Variants in WBP1L observed in about 807,000 individuals in gnomAD.
WBP1L encodes WW domain binding protein 1-like.
Under a neutral mutation model 33.7 loss-of-function variants are expected in WBP1L, and 17 were observed. The ratio of observed to expected loss-of-function variants is 0.50; its 90% confidence interval spans 0.34 to 0.76. The LOEUF (loss-of-function observed/expected upper bound fraction) is 0.76. WBP1L is among the 30% of genes least tolerant of loss of function. The pLI, the probability that WBP1L is intolerant of heterozygous loss-of-function variation, is 0.01. For missense variants in WBP1L, 389 were observed against 469.4 expected (o/e 0.83, Z 1.58); for synonymous variants, 173 against 190.8 (o/e 0.91, Z 0.77).
intron 1 of WBP1L, among the ~76,000 whole-genome samples, chr10:102,745,148 A>T (rs1266318799): frequency 1.3e-5 from 2 of 152,344 alleles, no homozygotes; most frequent in African/African-American, 4.8e-5. Context: ...GGCAAAGTTT[A>T]TACAACTTAG....
At chr10:102,755,217 G>C (rs1325715213) in intron 1 of WBP1L, among the ~76,000 whole-genome samples, 1 of 151,990 alleles carries the variant, frequency 6.6e-6, no homozygotes, top group Non-Finnish European at 1.5e-5. Flanking sequence ...AAAGTGCTGG[G>C]ATTACAGGTG....
At position 102,781,554 on chromosome 10, in the gene WBP1L, C is replaced by T. The variant is rs1489782676; in HGVS notation, c.91-16439C>T. 2.6e-5 allele frequency among the ~76,000 whole-genome samples: 4 copies of T among 152,090 alleles called. No individual in the cohort carries two copies. In the East Asian group the frequency reaches 7.7e-4, roughly 29 times the overall value. Reference sequence around the variant, plus strand: ...CCCATATCCACAGTCCACTGCAGGCCTCCTCCTCCCTGCCTGCTCTGTGCA... The same window carrying T: ...CCCATATCCACAGTCCACTGCAGGCTTCCTCCTCCCTGCCTGCTCTGTGCA... On this transcript the variant is annotated intron_variant, in intron 1 of 3. Coordinates refer to ENST00000448841, the MANE Select transcript of WBP1L (RefSeq NM_001083913.2).
chr10:102,749,279 G>C (rs12770106), intron 1 of WBP1L, among the ~76,000 whole-genome samples: 1 of 152,058 alleles, frequency 6.6e-6, no homozygotes, highest in African/African-American at 2.4e-5. Flanking sequence ...ATTTTTTAGA[G>C]ACAGAATCTT....
intron 1 of WBP1L, among the ~76,000 whole-genome samples, chr10:102,761,737 T>G (rs1381140751): frequency 3.3e-5 from 5 of 151,936 alleles, no homozygotes; most frequent in African/African-American, 4.8e-5. Context: ...TTAGTAGAGA[T>G]GGGGTTTCAC....
intron 3 of WBP1L, among the ~76,000 whole-genome samples, chr10:102,810,758 G>C (rs930065021): frequency 2.0e-5 from 3 of 151,432 alleles, no homozygotes; most frequent in Non-Finnish European, 4.4e-5. Flanking sequence ...GTAGAGACAG[G>C]GTTTCTCCAT....
chr10:102,789,443 T>G (rs896853194), intron 1 of WBP1L, among the ~76,000 whole-genome samples: 1 of 152,204 alleles, frequency 6.6e-6, no homozygotes, highest in African/African-American at 2.4e-5. Flanking sequence ...TTGATATTTC[T>G]TCTTCCTGGA....
At chr10:102,797,784 C>A (rs1843594300) in intron 1 of WBP1L, among the ~76,000 whole-genome samples, 1 of 152,072 alleles carries the variant, frequency 6.6e-6, no homozygotes, top group Non-Finnish European at 1.5e-5. Flanking sequence ...AACTCCTGAC[C>A]TCGCGATCTG....
Position 102,812,860 on chromosome 10 carries a change from A to G in WBP1L, c.621A>G (p.Arg207=). ...DPDPSDLPVD[R]AATKAPGMEP... ...ATCCCTCTGACCTACCAGTTGACCG[A>G]GCAGCCACCAAAGCCCCAGGGATGG... is the stretch of plus-strand genomic sequence containing the variant. Residue 207 remains arginine, a synonymous_variant, in exon 4 of 4, where the codon CGA becomes CGG. Coordinates refer to ENST00000448841, the MANE Select transcript of WBP1L (RefSeq NM_001083913.2). 1.3e-6 allele frequency: 2 copies of G among 1,572,138 alleles called. No homozygotes were observed. The highest frequency in any genetic ancestry group is 8.6e-7 in the Non-Finnish European group (1 of 1,157,598).
At chr10:102,744,307 G>T (rs1842835269) in intron 1 of WBP1L, 164 bp downstream of exon 1, 1 of 931,226 alleles carries the variant, frequency 1.1e-6, no homozygotes, top group African/African-American at 1.8e-5. Flanking sequence ...TTAGCTGAGG[G>T]ACACCTGTGA....
At chr10:102,754,877 T>TTTTATTTA (rs148819787) in intron 1 of WBP1L, among the ~76,000 whole-genome samples, 13 of 150,800 alleles carry the variant, frequency 8.6e-5, no homozygotes, top group African/African-American at 2.7e-4. Flanking sequence ...GCTAATTTTG[T>TTTTATTTA]TTTATTTATT....
intron 1 of WBP1L, among the ~76,000 whole-genome samples, chr10:102,769,684 A>T (rs1368184597): frequency 2.0e-5 from 3 of 152,198 alleles, no homozygotes; most frequent in Non-Finnish European, 4.4e-5. Context: ...CCTGGTTGAG[A>T]TTCTGGCTGC....
intron 1 of WBP1L, among the ~76,000 whole-genome samples, chr10:102,779,689 T>C (rs928575399): frequency 9.0e-6 from 1 of 110,524 alleles, no homozygotes; most frequent in Non-Finnish European, 2.3e-5. Flanking sequence ...ATCCCGGTTG[T>C]TTCCGGCCAC....
intron 2 of WBP1L, among the ~76,000 whole-genome samples, chr10:102,809,047 G>A (rs1331970637): frequency 6.6e-6 from 1 of 152,090 alleles, no homozygotes; most frequent in East Asian, 1.9e-4. Flanking sequence ...GAGGCGTCCT[G>A]GAGTGAGAGA....
intron 2 of WBP1L, among the ~76,000 whole-genome samples, chr10:102,808,313 C>T (rs1472574458): frequency 6.6e-6 from 1 of 152,060 alleles, no homozygotes; most frequent in East Asian, 1.9e-4. Context: ...CTTTCCCCCT[C>T]GTGCGTATAT....
chr10:102,789,571 T>C (rs1392755507), intron 1 of WBP1L, among the ~76,000 whole-genome samples: 1 of 152,150 alleles, frequency 6.6e-6, no homozygotes, highest in East Asian at 1.9e-4. Context: ...CTTTGTCTCA[T>C]TATCGTGTTT....
intron 1 of WBP1L, among the ~76,000 whole-genome samples, chr10:102,788,003 T>C (rs1318417022): frequency 6.7e-6 from 1 of 150,062 alleles, no homozygotes. Context: ...CACTGGAACC[T>C]GGGAGGTGGT....
At chr10:102,805,341 T>A (rs1311462436) in intron 2 of WBP1L, among the ~76,000 whole-genome samples, 5 of 152,088 alleles carry the variant, frequency 3.3e-5, no homozygotes, top group Non-Finnish European at 7.4e-5. Context: ...TCATATATAT[T>A]GCAGTATAAA....
intron 1 of WBP1L, among the ~76,000 whole-genome samples, chr10:102,766,207 C>T (rs574662753): frequency 3.3e-5 from 5 of 151,944 alleles, no homozygotes; most frequent in African/African-American, 1.2e-4. Context: ...TTTGGGAGGC[C>T]GAGGCAGGCG....
At chr10:102,775,520 G>A (rs1036652557) in intron 1 of WBP1L, among the ~76,000 whole-genome samples, 5 of 152,198 alleles carry the variant, frequency 3.3e-5, no homozygotes, top group African/African-American at 9.7e-5. Context: ...TGGAGGCTGC[G>A]GTGGGACTTG....
Sources: gnomAD v4.1 joint callset for allele counts (sites outside exome capture counted in the v4.1 genomes callset) on GRCh38, gnomAD v4.1.1 for gene constraint, MANE v1.5 for transcripts, NCBI Gene and HGNC (gene_info 2026-07-23, HGNC 2026-07-21) for gene names.